Variants in EIF3H observed in about 807,000 individuals in gnomAD.
EIF3H encodes eukaryotic translation initiation factor 3 subunit H, also known as eIF-3-gamma.
A neutral mutation model predicts 44.2 loss-of-function variants in EIF3H; 26 were observed. The ratio of observed to expected loss-of-function variants is 0.59; its 90% CI spans 0.43 to 0.82. The LOEUF is 0.82. EIF3H is among the 40% of genes least tolerant of loss of function. The pLI, the probability that EIF3H is intolerant of heterozygous loss-of-function variation, is 0.00. For missense variants in EIF3H, 359 were observed against 432.8 expected, an observed-to-expected ratio of 0.83 and a Z score of 1.51; for synonymous variants, 166 against 151.9, an observed-to-expected ratio of 1.09 and a Z score of -0.68.
At chr8:116,719,365 A>G (rs1487870616) in intron 2 of EIF3H, among the ~76,000 whole-genome samples, 1 of 152,232 alleles carries the variant, frequency 6.6e-6, no homozygotes, top group African/African-American at 2.4e-5. Context: ...AACTATGGCA[A>G]GGCTCTGGAA....
At chr8:116,662,695 T>C (rs571740225) in intron 2 of EIF3H, among the ~76,000 whole-genome samples, 1 of 152,166 alleles carries the variant, frequency 6.6e-6, no homozygotes, top group East Asian at 1.9e-4. Flanking sequence ...TAAACCTAAG[T>C]AGGAATACGA....
chr8:116,744,214 T>TAAAA lies in EIF3H; in HGVS notation c.132+11448_132+11451dup, dbSNP rs66854303. Among the ~76,000 whole-genome samples, 390 of 141,278 alleles carry TAAAA rather than the reference T, an allele frequency of 2.8e-3. 2 individuals are homozygous for TAAAA. The highest frequency in any genetic ancestry group is 0.011 in the Middle Eastern group (3 of 270). The allele number at this position is 141,278 out of a possible 152,430, so 92.7% of individuals were successfully genotyped here. A position where few individuals can be genotyped will look rare whatever the true frequency, so the allele number is the denominator to read the frequency against. On this transcript the variant is annotated intron_variant, in intron 1 of 7. Transcript: ENST00000521861. ...GGAGAGGTGGAAACATAGAAAGTAT[T>TAAAA]AAAAAAAAAAAAAACAAACAGTAAG...
At chr8:116,730,044 T>C (rs1369257559) in intron 1 of EIF3H, among the ~76,000 whole-genome samples, 1 of 152,208 alleles carries the variant, frequency 6.6e-6, no homozygotes, top group Non-Finnish European at 1.5e-5. Context: ...AAAATCACTA[T>C]TATCAAAACT....
intron 2 of EIF3H, among the ~76,000 whole-genome samples, chr8:116,678,898 G>A (rs1343616248): frequency 2.1e-4 from 26 of 123,336 alleles, no homozygotes; most frequent in African/African-American, 2.2e-4. Flanking sequence ...CAGCCGCCCC[G>A]TCCGGGAGGT....
At chr8:116,660,579 A>G (rs930442771) in intron 2 of EIF3H, among the ~76,000 whole-genome samples, 1 of 152,198 alleles carries the variant, frequency 6.6e-6, no homozygotes, top group Non-Finnish European at 1.5e-5. Context: ...AAAACAACCA[A>G]AGTTATTTTG....
At chr8:116,738,431 CTCT>C (rs1435068726) in intron 1 of EIF3H, among the ~76,000 whole-genome samples, 2 of 152,158 alleles carry the variant, frequency 1.3e-5, no homozygotes, top group Non-Finnish European at 2.9e-5. Flanking sequence ...AACCTGACTC[CTCT>C]TCAACTCTGT....
At chr8:116,676,197 C>T (rs1178597300) in intron 2 of EIF3H, among the ~76,000 whole-genome samples, 4 of 152,200 alleles carry the variant, frequency 2.6e-5, no homozygotes, top group African/African-American at 9.7e-5. Flanking sequence ...TCTCATAAAA[C>T]TTGTCTCTTG....
At chr8:116,697,857 G>A (rs1222877243) in intron 2 of EIF3H, among the ~76,000 whole-genome samples, 1 of 152,122 alleles carries the variant, frequency 6.6e-6, no homozygotes, top group Non-Finnish European at 1.5e-5. Flanking sequence ...TGCTTTAGTG[G>A]GGGGCATACC....
intron 1 of EIF3H, among the ~76,000 whole-genome samples, chr8:116,753,024 G>A (rs1200096586): frequency 6.6e-6 from 1 of 152,122 alleles, no homozygotes; most frequent in Non-Finnish European, 1.5e-5. Flanking sequence ...AGTATTCCCT[G>A]TATTAACAAT....
chr8:116,719,838 T>C lies in EIF3H; in HGVS notation c.289+6178A>G, dbSNP rs1188292827. 7.2e-5 allele frequency among the ~76,000 whole-genome samples: 11 copies of C among 152,162 alleles called. No homozygotes were observed. In the East Asian group the frequency reaches 1.5e-3, roughly 21 times the overall value. On this transcript the variant is annotated intron_variant, in intron 2 of 7. Transcript: ENST00000521861. ...CTAAAGGCAGACCAAGAAAAACTTATTTACTTGTTTTACACAAAAAGCGGA... is the reference window on the plus strand; with the variant it reads ...CTAAAGGCAGACCAAGAAAAACTTACTTACTTGTTTTACACAAAAAGCGGA...
intron 1 of EIF3H, among the ~76,000 whole-genome samples, chr8:116,753,906 T>G (rs1009443191): frequency 1.3e-5 from 2 of 152,200 alleles, no homozygotes; most frequent in Non-Finnish European, 2.9e-5. Flanking sequence ...TGTTGTGACA[T>G]AGCAAATTTA....
chr8:116,661,822 C>A (rs1033530625), intron 2 of EIF3H, among the ~76,000 whole-genome samples: 24 of 152,182 alleles, frequency 1.6e-4, no homozygotes, highest in Admixed American at 1.5e-3. Flanking sequence ...ACCTATTCTA[C>A]AGCACCTCTG....
intron 5 of EIF3H, among the ~76,000 whole-genome samples, chr8:116,654,276 C>G (rs1813451416): frequency 6.6e-6 from 1 of 152,178 alleles, no homozygotes; most frequent in Non-Finnish European, 1.5e-5. Flanking sequence ...TTGTCTAGGT[C>G]TCAGTTGCTA....
chr8:116,732,213 T>C (rs1223503759), intron 1 of EIF3H, among the ~76,000 whole-genome samples: 3 of 152,064 alleles, frequency 2.0e-5, no homozygotes, highest in African/African-American at 7.2e-5. Context: ...TTTTAAAGTG[T>C]CTGGCTTTAA....
At chr8:116,734,322 G>A (rs961088423) in intron 1 of EIF3H, 3 of 456,038 alleles carry the variant, frequency 6.6e-6, no homozygotes, top group South Asian at 4.6e-5. Context: ...CCTGACCAGA[G>A]AACTGAAGAA....
intron 2 of EIF3H, among the ~76,000 whole-genome samples, chr8:116,724,760 T>C (rs749911768): frequency 9.9e-5 from 15 of 152,118 alleles, no homozygotes; most frequent in African/African-American, 4.8e-5. Context: ...TCTGTTAAAA[T>C]GGCCATTATC....
intron 2 of EIF3H, among the ~76,000 whole-genome samples, chr8:116,705,883 A>G (rs773154149): frequency 6.6e-6 from 1 of 152,100 alleles, no homozygotes; most frequent in Non-Finnish European, 1.5e-5. Flanking sequence ...AACTGGTTGA[A>G]GGATATAGGG....
chr8:116,694,422 C>A (rs1814232648), intron 2 of EIF3H, among the ~76,000 whole-genome samples: 1 of 152,216 alleles, frequency 6.6e-6, no homozygotes, highest in African/African-American at 2.4e-5. Context: ...TCTAAACCAT[C>A]TTTGGCCTGC....
chr8:116,702,689 CATCATA>C (rs1159271985), intron 2 of EIF3H, among the ~76,000 whole-genome samples: 2 of 151,976 alleles, frequency 1.3e-5, no homozygotes, highest in Non-Finnish European at 2.9e-5. Flanking sequence ...TGATTTTAAT[CATCATA>C]AGCTGATTCA....
Sources: allele counts gnomAD v4.1 joint callset (sites outside exome capture counted in the v4.1 genomes callset), GRCh38; gene constraint gnomAD v4.1.1; transcripts MANE v1.5; gene names NCBI Gene and HGNC (gene_info 2026-07-23, HGNC 2026-07-21).